Variants in MAPRE2 observed in about 807,000 individuals in gnomAD.
The protein encoded by MAPRE2 is microtubule-associated protein RP/EB family member 2.
Under a neutral mutation model 43.2 loss-of-function variants are expected in MAPRE2, and 13 were observed. That is an observed-to-expected ratio of 0.30 (90% confidence interval 0.20 to 0.48). The LOEUF (loss-of-function observed/expected upper bound fraction) is 0.48, where lower values mean the gene tolerates loss of function less well. MAPRE2 is among the 20% of genes least tolerant of loss of function. The pLI is 0.99. For synonymous variants in MAPRE2, 135 were observed against 148.8 expected, an observed-to-expected ratio of 0.91 and a Z score of 0.68; for missense variants, 161 against 400.2, an observed-to-expected ratio of 0.40 and a Z score of 5.10.
At chr18:34,991,375 A>G (rs2097023668) in intron 1 of MAPRE2, among the ~76,000 whole-genome samples, 1 of 152,104 alleles carries the variant, frequency 6.6e-6, no homozygotes, top group Non-Finnish European at 1.5e-5. Context: ...GACCGAGTAG[A>G]GCTTTGGAAC....
rs930861307 is a variant in MAPRE2 at position 35,140,557 on chromosome 18, C to T, written c.*188C>T. On this transcript the variant is annotated 3_prime_UTR_variant, in exon 7 of 7. Transcript: ENST00000300249. Reference sequence around the variant, plus strand: ...TTCTTTGCCAAGGTGTATTAGCGGACGGCCCTCTGGCCACCTACCCGAGAG... The same window carrying T: ...TTCTTTGCCAAGGTGTATTAGCGGATGGCCCTCTGGCCACCTACCCGAGAG... 8.4e-6 allele frequency: 5 copies of T among 594,846 alleles called. No homozygotes were observed. The Admixed American group carries it at 8.8e-5, about 10-fold the overall frequency. 36.8% of individuals were successfully genotyped at this position (594,846 alleles called of 1,614,324 possible).
At chr18:34,998,180 G>C (rs2097027456) in intron 1 of MAPRE2, among the ~76,000 whole-genome samples, 1 of 152,112 alleles carries the variant, frequency 6.6e-6, no homozygotes, top group African/African-American at 2.4e-5. Context: ...ACAGCAGGGA[G>C]CCCAAGAGCA....
chr18:34,980,441 C>G (rs972405319), intron 1 of MAPRE2, among the ~76,000 whole-genome samples: 2 of 152,100 alleles, frequency 1.3e-5, no homozygotes, highest in Non-Finnish European at 2.9e-5. Context: ...GCTTGGTATT[C>G]TATTTTCTCA....
chr18:35,041,415 G>A lies in MAPRE2; in HGVS notation c.-125G>A. On this transcript the variant is annotated 5_prime_UTR_variant, in exon 1 of 7. Coordinates refer to ENST00000300249, the MANE Select transcript of MAPRE2 (RefSeq NM_014268.4). The stretch of plus-strand genomic sequence containing the variant: ...GGCGGGGCGCGAGCGAGAGCTGGGA[G>A]AAGGCAGTGAGCGAGCAGGCGGCAG... 2 of 1,554,522 alleles carry A rather than the reference G, an allele frequency of 1.3e-6. No individual in the cohort carries two copies. Among genetic ancestry groups the A allele is most frequent in the Non-Finnish European group, 1.7e-6 (2 of 1,152,114 alleles).
At chr18:35,028,507 C>A (rs2097046384) in intron 2 of MAPRE2, among the ~76,000 whole-genome samples, 1 of 152,110 alleles carries the variant, frequency 6.6e-6, no homozygotes, top group Non-Finnish European at 1.5e-5. Context: ...AGGAAGATAA[C>A]ATCCCCCAAC....
At chr18:35,063,999 TTAA>T (rs1202521625) in intron 1 of MAPRE2, among the ~76,000 whole-genome samples, 42 of 60,732 alleles carry the variant, frequency 6.9e-4, no homozygotes, top group African/African-American at 1.5e-3. Context: ...CCCTGTCTCT[TTAA>T]AAAAAAAAAA....
chr18:35,066,867 A>C (rs557976505), intron 1 of MAPRE2, among the ~76,000 whole-genome samples: 1 of 152,360 alleles, frequency 6.6e-6, no homozygotes, highest in East Asian at 1.9e-4. Context: ...TACCTTGCTG[A>C]AATTTGGAAA....
chr18:35,104,381 G>T (rs1908811143), intron 4 of MAPRE2, among the ~76,000 whole-genome samples: 1 of 152,160 alleles, frequency 6.6e-6, no homozygotes, highest in Non-Finnish European at 1.5e-5. Flanking sequence ...TTTGGTTTGT[G>T]TAGGGAAAAG....
At chr18:35,126,636 T>TA (rs1909914593) in intron 4 of MAPRE2, among the ~76,000 whole-genome samples, 4 of 152,160 alleles carry the variant, frequency 2.6e-5, no homozygotes, top group Admixed American at 2.0e-4. Context: ...CCTTTCCTCT[T>TA]AAAAATCTTA....
intron 1 of MAPRE2, among the ~76,000 whole-genome samples, chr18:34,977,511 C>A (rs983663180): frequency 6.6e-6 from 1 of 152,194 alleles, no homozygotes; most frequent in Non-Finnish European, 1.5e-5. Flanking sequence ...CTAGCTGGGG[C>A]GCCGGCACTG....
chr18:35,004,465 C>T (rs992266132), intron 1 of MAPRE2, among the ~76,000 whole-genome samples: 6 of 152,172 alleles, frequency 3.9e-5, no homozygotes, highest in African/African-American at 1.4e-4. Context: ...TAGCAACCTC[C>T]TCCGTAACCG....
intron 1 of MAPRE2, among the ~76,000 whole-genome samples, chr18:34,977,829 T>G (rs1455719897): frequency 6.6e-6 from 1 of 152,148 alleles, no homozygotes; most frequent in East Asian, 1.9e-4. Context: ...CGGTCTACCC[T>G]TAGAAGGGCT....
chr18:35,101,486 G>A (rs1462046544), intron 3 of MAPRE2, among the ~76,000 whole-genome samples: 2 of 152,114 alleles, frequency 1.3e-5, no homozygotes, highest in Non-Finnish European at 2.9e-5. Context: ...CTATCAAATA[G>A]TAGGTTTTAT....
At chr18:35,037,979 C>T (rs139330326), upstream of MAPRE2, among the ~76,000 whole-genome samples, 1 of 152,290 alleles carries the variant, frequency 6.6e-6, no homozygotes, top group East Asian at 1.9e-4. Context: ...GCTGAGGAGT[C>T]ACTGGTCTGA....
chr18:35,099,993 T>C (rs1290852854), intron 3 of MAPRE2, among the ~76,000 whole-genome samples: 1 of 152,188 alleles, frequency 6.6e-6, no homozygotes, highest in Non-Finnish European at 1.5e-5. Context: ...GATGTGTAGC[T>C]CCCACAGTGG....
intron 2 of MAPRE2, among the ~76,000 whole-genome samples, chr18:35,086,049 C>T (rs1351580712): frequency 6.6e-6 from 1 of 152,062 alleles, no homozygotes; most frequent in Non-Finnish European, 1.5e-5. Context: ...TCATCAGTAC[C>T]AAATAAGATT....
intron 2 of MAPRE2, among the ~76,000 whole-genome samples, chr18:35,075,830 AAT>A: frequency 6.6e-6 from 1 of 152,258 alleles, no homozygotes; most frequent in Non-Finnish European, 1.5e-5. Context: ...AATATATGGT[AAT>A]ATACTCTAGT....
At chr18:35,022,730 C>G (rs769082496) in intron 2 of MAPRE2, among the ~76,000 whole-genome samples, 2 of 152,032 alleles carry the variant, frequency 1.3e-5, no homozygotes, top group Non-Finnish European at 2.9e-5. Flanking sequence ...ACCATAGTCA[C>G]AGAACATAAT....
At chr18:35,108,023 A>T (rs1255257845) in intron 4 of MAPRE2, among the ~76,000 whole-genome samples, 1 of 151,440 alleles carries the variant, frequency 6.6e-6, no homozygotes, top group Non-Finnish European at 1.5e-5. Flanking sequence ...AAAAAAAAAA[A>T]GGGATACATG....
Sources: gnomAD v4.1 joint callset for allele counts (sites outside exome capture counted in the v4.1 genomes callset) on GRCh38, gnomAD v4.1.1 for gene constraint, MANE v1.5 for transcripts, NCBI Gene and HGNC (gene_info 2026-07-23, HGNC 2026-07-21) for gene names.